EPHA6: variants seen among roughly 807,000 people sequenced by gnomAD.
EPHA6 encodes ephrin type-A receptor 6.
In EPHA6, 50 loss-of-function variants were observed where a neutral mutation model predicts 112.0. That is an observed-to-expected ratio of 0.45 (90% CI 0.36 to 0.56). The LOEUF is 0.56. EPHA6 is among the 20% of genes least tolerant of loss of function. EPHA6 has a pLI of 0.00. For missense variants in EPHA6, 1,280 were observed against 1,417.4 expected (o/e 0.90, Z 1.56); for synonymous variants, 529 against 490.7 (o/e 1.08, Z -1.03).
intron 14 of EPHA6, among the ~76,000 whole-genome samples, chr3:97,657,157 A>G (rs144964830): frequency 6.6e-6 from 1 of 152,002 alleles, no homozygotes; most frequent in Admixed American, 6.6e-5. Flanking sequence ...CTATAAAAGT[A>G]AACTTTTTAA....
At chr3:97,424,767 T>C (rs943496512) in intron 6 of EPHA6, among the ~76,000 whole-genome samples, 1 of 149,190 alleles carries the variant, frequency 6.7e-6, no homozygotes, top group Non-Finnish European at 1.5e-5. Context: ...GACCACGCCA[T>C]TGCACTCCAG....
At chr3:97,329,815 A>C (rs914904291) in intron 5 of EPHA6, among the ~76,000 whole-genome samples, 7 of 151,830 alleles carry the variant, frequency 4.6e-5, no homozygotes, top group African/African-American at 1.5e-4. Context: ...GAAGCTCTTT[A>C]GTTTAATTAG....
intron 10 of EPHA6, among the ~76,000 whole-genome samples, chr3:97,492,230 G>A (rs1281566347): frequency 6.6e-6 from 1 of 151,918 alleles, no homozygotes; most frequent in Non-Finnish European, 1.5e-5. Context: ...CCTTGGGTTA[G>A]GTATTAAAAG....
At chr3:97,254,709 A>C (rs2079251604) in intron 5 of EPHA6, among the ~76,000 whole-genome samples, 1 of 152,162 alleles carries the variant, frequency 6.6e-6, no homozygotes, top group Non-Finnish European at 1.5e-5. Flanking sequence ...TCAAATAAAT[A>C]TTATTTTTAT....
intron 7 of EPHA6, among the ~76,000 whole-genome samples, chr3:97,473,854 T>A (rs1241471500): frequency 6.6e-6 from 1 of 151,822 alleles, no homozygotes. Context: ...AACTTGTCTC[T>A]GCACAGATTA....
chr3:97,497,200 C>T (rs1388616133), intron 10 of EPHA6, among the ~76,000 whole-genome samples: 1 of 152,186 alleles, frequency 6.6e-6, no homozygotes, highest in East Asian at 1.9e-4. Context: ...AAAGTAAAAG[C>T]CTGGCCACCT....
intron 14 of EPHA6, among the ~76,000 whole-genome samples, chr3:97,688,495 T>A (rs547676435): frequency 6.8e-6 from 1 of 146,548 alleles, no homozygotes; most frequent in South Asian, 2.1e-4. Context: ...AAACACCGCA[T>A]GTTCTCACTC....
At chr3:97,088,643 C>T (rs2046976170) in intron 3 of EPHA6, among the ~76,000 whole-genome samples, 6 of 152,164 alleles carry the variant, frequency 3.9e-5, no homozygotes, top group Admixed American at 3.9e-4. Flanking sequence ...TACTTTGTTT[C>T]CACAGTCTTC....
intron 4 of EPHA6, among the ~76,000 whole-genome samples, chr3:97,241,635 G>A (rs1221742262): frequency 1.3e-5 from 2 of 151,506 alleles, no homozygotes; most frequent in Non-Finnish European, 3.0e-5. Context: ...TGTCATTACA[G>A]CTTAATATTT....
intron 3 of EPHA6, among the ~76,000 whole-genome samples, chr3:97,211,369 TTCTA>T (rs2077869685): frequency 1.3e-5 from 2 of 152,148 alleles, no homozygotes; most frequent in Admixed American, 1.3e-4. Flanking sequence ...CTGAGTTAAG[TTCTA>T]TCTTTTATTC....
Position 97,594,052 on chromosome 3 carries a change from A to G in EPHA6, c.2512+1315A>G, listed in dbSNP as rs112973391. Among the ~76,000 whole-genome samples the G allele has an allele frequency of 4.9e-3, 747 of 152,330 alleles. 7 individuals carry two copies. The highest frequency in any genetic ancestry group is 0.017 in the African/African-American group (714 of 41,578). ...CTCCGAGTTAACTGCAAATATAAAC[A>G]TGTAGCTTTCATGTATAATTAATAT... is the stretch of plus-strand genomic sequence containing the variant. On this transcript the variant is annotated intron_variant, in intron 12 of 17. Transcript: ENST00000389672.
intron 3 of EPHA6, among the ~76,000 whole-genome samples, chr3:97,099,389 T>C (rs923149283): frequency 1.3e-5 from 2 of 151,952 alleles, no homozygotes; most frequent in Non-Finnish European, 2.9e-5. Flanking sequence ...TGTTAAATAT[T>C]GCATATAATT....
chr3:97,084,449 A>G (rs1356574130), intron 3 of EPHA6, among the ~76,000 whole-genome samples: 1 of 151,924 alleles, frequency 6.6e-6, no homozygotes, highest in African/African-American at 2.4e-5. Context: ...ATGCTGTTCT[A>G]TAGAGTACTT....
chr3:97,297,576 A>G (rs1363060932), intron 5 of EPHA6, among the ~76,000 whole-genome samples: 3 of 152,284 alleles, frequency 2.0e-5, no homozygotes, highest in African/African-American at 7.2e-5. Context: ...AAGGTCCCAG[A>G]AGGTAGAAAG....
At chr3:97,674,876 C>T (rs2031211470) in intron 14 of EPHA6, among the ~76,000 whole-genome samples, 1 of 152,140 alleles carries the variant, frequency 6.6e-6, no homozygotes, top group Admixed American at 6.6e-5. Context: ...TGACTTACTT[C>T]ATCGGGAATT....
intron 3 of EPHA6, among the ~76,000 whole-genome samples, chr3:97,013,478 CTAA>C (rs1340056578): frequency 3.3e-5 from 5 of 151,944 alleles, no homozygotes; most frequent in Non-Finnish European, 7.4e-5. Context: ...TGATGGAGGC[CTAA>C]TATTTACTGT....
chr3:97,182,736 C>A (rs1285575611), intron 3 of EPHA6, among the ~76,000 whole-genome samples: 1 of 152,020 alleles, frequency 6.6e-6, no homozygotes, highest in East Asian at 1.9e-4. Context: ...ATGTTTTCTT[C>A]ATTGATATTT....
At chr3:97,010,728 G>A (rs538403962) in intron 3 of EPHA6, among the ~76,000 whole-genome samples, 6 of 152,004 alleles carry the variant, frequency 3.9e-5, no homozygotes, top group Admixed American at 1.3e-4. Flanking sequence ...TAGCGATCTC[G>A]GCACACTGCA....
At chr3:97,541,363 T>C (rs1269302630) in intron 11 of EPHA6, among the ~76,000 whole-genome samples, 1 of 152,200 alleles carries the variant, frequency 6.6e-6, no homozygotes, top group Non-Finnish European at 1.5e-5. Flanking sequence ...GTATTTTGCA[T>C]AATCATAAGA....
Sources: allele counts gnomAD v4.1 joint callset (sites outside exome capture counted in the v4.1 genomes callset), GRCh38; gene constraint gnomAD v4.1.1; transcripts MANE v1.5; gene names NCBI Gene and HGNC (gene_info 2026-07-23, HGNC 2026-07-21).